KLHL32: variants seen among roughly 807,000 people sequenced by gnomAD.
KLHL32 encodes the protein kelch like family member 32, also known as kelch-like protein 32.
KLHL32 carries 35 observed loss-of-function variants against 64.8 expected under a neutral mutation model. The ratio of observed to expected loss-of-function variants is 0.54; its 90% CI spans 0.41 to 0.72. The LOEUF is 0.72. KLHL32 is among the 30% of genes least tolerant of loss of function. The probability of loss-of-function intolerance (pLI) is 0.00; values close to 1 mark genes in which losing one functional copy is unlikely to be tolerated. For synonymous variants in KLHL32, 259 were observed against 281.0 expected, an observed-to-expected ratio of 0.92 and a Z score of 0.78; for missense variants, 589 against 768.5, an observed-to-expected ratio of 0.77 and a Z score of 2.76.
chr6:97,126,192 A>G (rs1303426731), intron 7 of KLHL32, among the ~76,000 whole-genome samples: 1 of 152,140 alleles, frequency 6.6e-6, no homozygotes, highest in Non-Finnish European at 1.5e-5. Context: ...GATACTGATT[A>G]AAATAAGAAT....
rs189863000 is a variant in KLHL32, at chr6:97,103,236, C to T, written c.628-10547C>T. ...ATCTTTTTTTTTTTTTTTTTTGAGA[C>T]GGCGTCTCGCTCTGTCACCCAGGCT... is the stretch of plus-strand genomic sequence containing the variant. On this transcript the variant is annotated intron_variant, in intron 6 of 10. Coordinates refer to ENST00000369261, the MANE Select transcript of KLHL32 (RefSeq NM_052904.4). Among the ~76,000 whole-genome samples the T allele has an allele frequency of 9.0e-3, 1,202 of 133,060 alleles. 12 individuals carry two copies. The highest frequency in any genetic ancestry group is 0.013 in the Non-Finnish European group (836 of 63,980). 87.3% of individuals were successfully genotyped at this position (133,060 alleles called of 152,430 possible).
At chr6:96,924,402 G>C (rs1008073290), upstream of KLHL32, among the ~76,000 whole-genome samples, 1 of 151,288 alleles carries the variant, frequency 6.6e-6, no homozygotes, top group African/African-American at 2.4e-5. Context: ...GGAGAGCGAG[G>C]AGGAGGGCGG....
At chr6:97,124,370 T>C (rs1798673386) in intron 7 of KLHL32, among the ~76,000 whole-genome samples, 1 of 152,216 alleles carries the variant, frequency 6.6e-6, no homozygotes, top group Non-Finnish European at 1.5e-5. Context: ...AAAATTTGTA[T>C]GTAAGGGTAA....
At chr6:97,096,687 A>G (rs949972090) in intron 6 of KLHL32, among the ~76,000 whole-genome samples, 2 of 152,244 alleles carry the variant, frequency 1.3e-5, no homozygotes, top group African/African-American at 4.8e-5. Context: ...GGTTCCCACC[A>G]TAGCATCAAG....
chr6:97,020,605 C>T (rs1429759174), intron 3 of KLHL32, among the ~76,000 whole-genome samples: 1 of 150,820 alleles, frequency 6.6e-6, no homozygotes, highest in Non-Finnish European at 1.5e-5. Context: ...AAGCCACACA[C>T]CTCATTTTAT....
intron 3 of KLHL32, among the ~76,000 whole-genome samples, chr6:97,032,107 C>T (rs906327226): frequency 1.3e-4 from 20 of 152,154 alleles, no homozygotes; most frequent in African/African-American, 4.8e-4. Flanking sequence ...GATAAATTGC[C>T]CACATGACTA....
Position 97,024,837 on chromosome 6 carries a change from C to T in KLHL32, c.205-16655C>T, listed in dbSNP as rs891334586. The T allele has an allele frequency of 7.3e-5, 15 of 204,764 alleles. No individual in the cohort carries two copies. The East Asian group carries it at 2.2e-3, about 31-fold the overall frequency. The allele number at this position is 204,764 out of a possible 1,614,324, so 12.7% of individuals were successfully genotyped here. On this transcript the variant is annotated intron_variant, in intron 3 of 10. Transcript: ENST00000369261. The stretch of plus-strand genomic sequence containing the variant: ...ACATTTTTTATCATTTACACTGTGA[C>T]AGTCATTGTGCTAAGCCCCTTTATA...
chr6:96,979,299 TC>T (rs886121924), intron 3 of KLHL32, among the ~76,000 whole-genome samples: 9 of 152,194 alleles, frequency 5.9e-5, no homozygotes, highest in Admixed American at 4.6e-4. Context: ...CTTTAATCCC[TC>T]TTGAGTTGAT....
chr6:97,080,102 T>C (rs1442826355), intron 5 of KLHL32, among the ~76,000 whole-genome samples: 1 of 152,068 alleles, frequency 6.6e-6, no homozygotes, highest in Non-Finnish European at 1.5e-5. Context: ...TAAAAGAAAT[T>C]TGGGGTGGAT....
At chr6:97,025,778 A>T (rs1782639005) in intron 3 of KLHL32, among the ~76,000 whole-genome samples, 1 of 152,194 alleles carries the variant, frequency 6.6e-6, no homozygotes, top group African/African-American at 2.4e-5. Context: ...CCGTTTGCTT[A>T]ATTTCACTGG....
At chr6:97,056,187 G>A (rs942144321) in intron 4 of KLHL32, among the ~76,000 whole-genome samples, 25 of 143,558 alleles carry the variant, frequency 1.7e-4, no homozygotes, top group African/African-American at 6.3e-4. Flanking sequence ...CTCACTGGAA[G>A]CTCCGCTTCC....
intron 3 of KLHL32, among the ~76,000 whole-genome samples, chr6:97,022,097 T>C (rs1003526566): frequency 4.6e-5 from 7 of 150,898 alleles, no homozygotes; most frequent in Non-Finnish European, 8.8e-5. Context: ...TCCTTGATGC[T>C]TTGGAGTCTG....
At chr6:96,932,888 T>C (rs895928078) in intron 1 of KLHL32, among the ~76,000 whole-genome samples, 8 of 152,188 alleles carry the variant, frequency 5.3e-5, no homozygotes, top group African/African-American at 7.2e-5. Context: ...CAATTTTTGA[T>C]TTCTGTGTTT....
At chr6:96,991,093 C>T (rs1308926094) in intron 3 of KLHL32, among the ~76,000 whole-genome samples, 1 of 151,964 alleles carries the variant, frequency 6.6e-6, no homozygotes, top group Non-Finnish European at 1.5e-5. Flanking sequence ...GACTGGGCTC[C>T]TCTCCTTATG....
At chr6:97,025,799 C>T (rs1217494364) in intron 3 of KLHL32, among the ~76,000 whole-genome samples, 2 of 152,074 alleles carry the variant, frequency 1.3e-5, no homozygotes, top group Non-Finnish European at 2.9e-5. Flanking sequence ...GTCTCATTTT[C>T]TCATGTTTAA....
chr6:96,994,599 T>C, intron 3 of KLHL32: 1 of 985,440 alleles, frequency 1.0e-6, no homozygotes, highest in South Asian at 4.7e-5. Context: ...ATCTTTTCCT[T>C]TATATTGGTC....
intron 6 of KLHL32, among the ~76,000 whole-genome samples, chr6:97,085,914 GTGTCGCTCCCT>G (rs768096368): frequency 2.0e-5 from 3 of 152,128 alleles, no homozygotes; most frequent in Non-Finnish European, 4.4e-5. Context: ...TTTTCACATT[GTGTCGCTCCCT>G]TGTCTAGAGG....
chr6:97,024,526 T>A (rs985322015), intron 3 of KLHL32, among the ~76,000 whole-genome samples: 3 of 152,172 alleles, frequency 2.0e-5, no homozygotes, highest in African/African-American at 7.2e-5. Context: ...ATTGGTCAAA[T>A]GTTACCTCTT....
chr6:97,025,492 A>C (rs565621104), intron 3 of KLHL32, among the ~76,000 whole-genome samples: 1 of 152,376 alleles, frequency 6.6e-6, no homozygotes, highest in Admixed American at 6.5e-5. Flanking sequence ...GTGAAATTCC[A>C]GTAATAGATA....
Sources: gnomAD v4.1 joint callset for allele counts (sites outside exome capture counted in the v4.1 genomes callset) on GRCh38, gnomAD v4.1.1 for gene constraint, MANE v1.5 for transcripts, NCBI Gene and HGNC (gene_info 2026-07-23, HGNC 2026-07-21) for gene names.